The following CREG2 variants were observed in gnomAD, a reference collection of about 807,000 sequenced individuals.
The protein encoded by CREG2 is cellular repressor of E1A stimulated genes 2, also known as protein CREG2.
A neutral mutation model predicts 26.2 loss-of-function variants in CREG2; 24 were observed. That is an observed-to-expected ratio of 0.92 (90% CI 0.66 to 1.29). The LOEUF is 1.29. Among genes scored for constraint, CREG2 ranks in the 50% most tolerant of loss-of-function variants. The probability of loss-of-function intolerance (pLI) is 0.00; values close to 1 mark genes in which losing one functional copy is unlikely to be tolerated. For synonymous variants in CREG2, 174 were observed against 169.2 expected (o/e 1.03, Z -0.22); for missense variants, 366 against 398.6 (o/e 0.92, Z 0.70).
intron 2 of CREG2, among the ~76,000 whole-genome samples, chr2:101,381,447 G>A (rs1386039712): frequency 1.3e-5 from 2 of 152,224 alleles, no homozygotes; most frequent in African/African-American, 2.4e-5. Context: ...CCTCACACAG[G>A]TGAGTCACAT....
intron 2 of CREG2, among the ~76,000 whole-genome samples, chr2:101,381,374 G>A (rs969767343): frequency 2.6e-5 from 4 of 152,168 alleles, no homozygotes; most frequent in Admixed American, 1.3e-4. Context: ...AAGTCCCTGT[G>A]TTCAGTATTG....
chr2:101,367,610 C>A (rs1313232065), intron 2 of CREG2, among the ~76,000 whole-genome samples: 1 of 152,144 alleles, frequency 6.6e-6, no homozygotes, highest in African/African-American at 2.4e-5. Context: ...ATGTCTTAAT[C>A]CCCAGATGCC....
At chr2:101,359,802 T>C (rs1033078065) in intron 2 of CREG2, among the ~76,000 whole-genome samples, 16 of 152,238 alleles carry the variant, frequency 1.1e-4, no homozygotes, top group Non-Finnish European at 2.4e-4. Context: ...AATAAATCGC[T>C]GTTACCAGCA....
At chr2:101,358,307 T>C (rs1383713828) in intron 2 of CREG2, among the ~76,000 whole-genome samples, 2 of 152,182 alleles carry the variant, frequency 1.3e-5, no homozygotes, top group African/African-American at 4.8e-5. Context: ...TGGTCCCTTA[T>C]ATCTGGGTAT....
At chr2:101,376,541 A>C (rs1246280476) in intron 2 of CREG2, among the ~76,000 whole-genome samples, 1 of 152,096 alleles carries the variant, frequency 6.6e-6, no homozygotes, top group East Asian at 1.9e-4. Flanking sequence ...CGGCCTCCCA[A>C]ATTGTTGGGA....
In CREG2 at chr2:101,365,630, T is replaced by C. The variant is rs72988787; in HGVS notation, c.612-10264A>G. Among the ~76,000 whole-genome samples, 576 of 152,370 alleles carry C rather than the reference T, an allele frequency of 3.8e-3. 4 individuals carry two copies. The highest frequency in any genetic ancestry group is 0.012 in the African/African-American group (496 of 41,582). On this transcript the variant is annotated intron_variant, in intron 2 of 3. Coordinates refer to ENST00000324768, the MANE Select transcript of CREG2 (RefSeq NM_153836.4). ...TTTATTTTACAGCATACCAGTATAA[T>C]GCCTCATACTGTCCTAGTTAATTTT... is the stretch of plus-strand genomic sequence containing the variant.
Position 101,351,031 on chromosome 2 carries a change from C to T in CREG2, c.765G>A (p.Trp255Ter), listed in dbSNP as rs372173823. The T allele has an allele frequency of 3.6e-5, 58 of 1,614,020 alleles. No individual in the cohort carries two copies. Among genetic ancestry groups the T allele is most frequent in the Middle Eastern group, 1.6e-4 (1 of 6,082 alleles). Residue 255 changes from tryptophan (W) to a stop codon, truncating the protein, a stop_gained, in exon 4 of 4, where the codon TGG (tryptophan) becomes TGA (stop). Transcript: ENST00000324768. LOFTEE classifies it high-confidence loss of function. ...GTTCTATCCTCATCTTCATAAAGAA[C>T]CATTCATATTGACGAGGCCACTTCC... ...GMRKWPRQYE[W>*]FFMKMRIEHI...
intron 2 of CREG2, among the ~76,000 whole-genome samples, chr2:101,370,747 G>A (rs2104479197): frequency 6.6e-6 from 1 of 152,260 alleles, no homozygotes; most frequent in Middle Eastern, 3.4e-3. Flanking sequence ...TCATGCTGAA[G>A]CCCACCAAAT....
In CREG2 at chr2:101,387,290, C is replaced by T. The variant is rs1348845342; in HGVS notation, c.168G>A (p.Glu56=). The T allele has an allele frequency of 4.0e-6, 6 of 1,486,932 alleles. No individual in the cohort carries two copies. In the Admixed American group the frequency reaches 6.5e-5, roughly 16 times the overall value. 92.1% of individuals were successfully genotyped at this position (1,486,932 alleles called of 1,614,324 possible). Residue 56 remains glutamate, a synonymous_variant, in exon 1 of 4, where the codon GAG becomes GAA. Transcript: ENST00000324768. This position sits in a 1 kb window ranked among gnomAD's most constrained non-coding sequence, Gnocchi z 4.7. ...VDEELDSAST[E]EAMPALLEDS... ...CCTCTAGCAGCGCGGGCATAGCCTC[C>T]TCAGTGGAGGCGCTGTCCAGCTCCT...
In CREG2 at chr2:101,347,093, G is replaced by A. The variant is rs1320401517; in HGVS notation, c.*3830C>T. On this transcript the variant is annotated 3_prime_UTR_variant, in exon 4 of 4. Coordinates refer to ENST00000324768, the MANE Select transcript of CREG2 (RefSeq NM_153836.4). ...ATACAGTGTGCAAACTTTTATGATT[G>A]GCTTTGCTCACTCAGCACAATTCTC... The A allele has an allele frequency of 6.6e-6, 1 of 152,150 alleles. No individual in the cohort carries two copies. Among genetic ancestry groups the A allele is most frequent in the Non-Finnish European group, 1.5e-5 (1 of 68,032 alleles). 9.4% of individuals were successfully genotyped at this position (152,150 alleles called of 1,614,324 possible). A position where few individuals can be genotyped will look rare whatever the true frequency, so the allele number is the denominator to read the frequency against.
chr2:101,382,760 T>A, intron 2 of CREG2: 1 of 985,438 alleles, frequency 1.0e-6, no homozygotes, highest in Non-Finnish European at 1.2e-6. Context: ...ACAGATGGGA[T>A]GAGGCCTGTT....
intron 2 of CREG2, among the ~76,000 whole-genome samples, chr2:101,370,124 C>T (rs1422485432): frequency 6.6e-6 from 1 of 152,136 alleles, no homozygotes; most frequent in African/African-American, 2.4e-5. Flanking sequence ...CCTTCACACC[C>T]TCTGTGCCTC....
At chr2:101,374,472 C>A (rs563312559) in intron 2 of CREG2, among the ~76,000 whole-genome samples, 2 of 152,300 alleles carry the variant, frequency 1.3e-5, no homozygotes, top group South Asian at 4.1e-4. Flanking sequence ...GAACACAGAG[C>A]AATTTATTTA....
In CREG2 at chr2:101,348,120, G is replaced by A. The variant is rs1684329746; in HGVS notation, c.*2803C>T. 6.6e-6 allele frequency: 1 copy of A among 152,120 alleles called. No homozygotes were observed. The highest frequency in any genetic ancestry group is 1.5e-5 in the Non-Finnish European group (1 of 68,026). 9.4% of individuals were successfully genotyped at this position (152,120 alleles called of 1,614,324 possible). ...GAAAATCAGTTGAGCATATTTGTGT[G>A]GGCCTATTTCTAGATTCCCTATTCT... is the stretch of plus-strand genomic sequence containing the variant. On this transcript the variant is annotated 3_prime_UTR_variant, in exon 4 of 4. Coordinates refer to ENST00000324768, the MANE Select transcript of CREG2 (RefSeq NM_153836.4).
chr2:101,380,662 G>T (rs1041506251), intron 2 of CREG2, among the ~76,000 whole-genome samples: 1 of 152,204 alleles, frequency 6.6e-6, no homozygotes, highest in African/African-American at 2.4e-5. Flanking sequence ...TGCTGTTGCA[G>T]GCCGGGCGCC....
At chr2:101,356,745 A>G (rs1684466290) in intron 2 of CREG2, among the ~76,000 whole-genome samples, 1 of 152,216 alleles carries the variant, frequency 6.6e-6, no homozygotes, top group South Asian at 2.1e-4. Flanking sequence ...TTAATCAGCA[A>G]AAAGCATATT....
chr2:101,369,371 A>G (rs1412216377), intron 2 of CREG2, among the ~76,000 whole-genome samples: 1 of 152,248 alleles, frequency 6.6e-6, no homozygotes, highest in East Asian at 1.9e-4. Flanking sequence ...TGCCATGCAG[A>G]CAGGGAGCCC....
In CREG2 at chr2:101,348,751, T is replaced by A. The variant is rs1684337371; in HGVS notation, c.*2172A>T. On this transcript the variant is annotated 3_prime_UTR_variant, in exon 4 of 4. Coordinates refer to ENST00000324768, the MANE Select transcript of CREG2 (RefSeq NM_153836.4). Reference sequence around the variant, plus strand: ...CTCATCTCTAAATAGGGGTACTTTTTTTTTCTTTCGATCTGTATGCATTTA... The same window carrying A: ...CTCATCTCTAAATAGGGGTACTTTTATTTTCTTTCGATCTGTATGCATTTA... The A allele has an allele frequency of 6.6e-6, 1 of 152,172 alleles. No individual in the cohort carries two copies. Among genetic ancestry groups the A allele is most frequent in the South Asian group, 2.1e-4 (1 of 4,828 alleles). 9.4% of individuals were successfully genotyped at this position (152,172 alleles called of 1,614,324 possible).
At chr2:101,365,232 C>A (rs951523144) in intron 2 of CREG2, among the ~76,000 whole-genome samples, 14 of 152,204 alleles carry the variant, frequency 9.2e-5, no homozygotes, top group African/African-American at 3.1e-4. Context: ...TCGGTGCTAG[C>A]CTTTCCGGCA....
Sources: allele counts gnomAD v4.1 joint callset (sites outside exome capture counted in the v4.1 genomes callset), GRCh38; gene constraint gnomAD v4.1.1; non-coding constraint Gnocchi (gnomAD v3.1); transcripts MANE v1.5; gene names NCBI Gene and HGNC (gene_info 2026-07-23, HGNC 2026-07-21).